PTPN1: variants seen among roughly 807,000 people sequenced by gnomAD.
PTPN1 encodes the protein protein tyrosine phosphatase non-receptor type 1, also known as tyrosine-protein phosphatase non-receptor type 1.
In PTPN1, 12 loss-of-function variants were observed where a neutral mutation model predicts 59.9. The observed-to-expected ratio is 0.20, with a 90% CI of 0.13 to 0.32. The LOEUF is 0.32. Ranked by LOEUF, PTPN1 falls within the 10% of genes least tolerant of loss-of-function variation. The probability of loss-of-function intolerance (pLI) is 1.00; values close to 1 mark genes in which losing one functional copy is unlikely to be tolerated. For synonymous variants in PTPN1, 178 were observed against 203.6 expected, an observed-to-expected ratio of 0.87 and a Z score of 1.07; for missense variants, 356 against 549.2, an observed-to-expected ratio of 0.65 and a Z score of 3.52.
chr20:50,528,478 C>T (rs2082586797), intron 1 of PTPN1, among the ~76,000 whole-genome samples: 1 of 152,056 alleles, frequency 6.6e-6, no homozygotes, highest in African/African-American at 2.4e-5. Context: ...CTTTGGTAGG[C>T]TGAGGTGGGC....
Position 50,538,747 on chromosome 20 carries a change from T to C in PTPN1, c.64-22616T>C, listed in dbSNP as rs374484560. Among the ~76,000 whole-genome samples the C allele has an allele frequency of 7.9e-5, 12 of 152,216 alleles. No homozygotes were observed. The East Asian group carries it at 9.6e-4, about 12-fold the overall frequency. On this transcript the variant is annotated intron_variant, in intron 1 of 9. Transcript: ENST00000371621. Reference sequence around the variant, plus strand: ...TATTATATGCCCTTCATCTTCTCAGTGTTTGGCTGTTGTTGTGATTCCCTT... The same window carrying C: ...TATTATATGCCCTTCATCTTCTCAGCGTTTGGCTGTTGTTGTGATTCCCTT...
At chr20:50,512,653 A>G (rs532127922) in intron 1 of PTPN1, among the ~76,000 whole-genome samples, 1 of 152,298 alleles carries the variant, frequency 6.6e-6, no homozygotes, top group East Asian at 1.9e-4. Context: ...TCTCACCTCC[A>G]CTGTATGGAT....
At chr20:50,580,664 G>A (rs1269226845) in intron 8 of PTPN1, among the ~76,000 whole-genome samples, 3 of 152,190 alleles carry the variant, frequency 2.0e-5, no homozygotes, top group Non-Finnish European at 4.4e-5. Flanking sequence ...GAAGTTTTAA[G>A]ACGTGTGCAT....
intron 1 of PTPN1, among the ~76,000 whole-genome samples, chr20:50,557,472 C>A (rs772618325): frequency 2.0e-5 from 3 of 152,098 alleles, no homozygotes; most frequent in African/African-American, 4.8e-5. Context: ...CTTAAACAGC[C>A]ATCCCCTTTC....
chr20:50,535,335 T>C (rs547219312), intron 1 of PTPN1, among the ~76,000 whole-genome samples: 2 of 152,190 alleles, frequency 1.3e-5, no homozygotes, highest in South Asian at 4.1e-4. Flanking sequence ...CTCCACATTC[T>C]GTCTTTACTG....
intron 1 of PTPN1, among the ~76,000 whole-genome samples, chr20:50,524,569 CTTTTTTTTTTTTT>C (rs764474360): frequency 2.2e-5 from 1 of 45,782 alleles, no homozygotes; most frequent in Non-Finnish European, 3.6e-5. Context: ...ATTATGTGGT[CTTTTTTTTTTTTT>C]TTTTTTTTTT....
rs370708014 is a variant in PTPN1 at position 50,510,489 on chromosome 20, T to A, written c.-39T>A. 1.2e-5 allele frequency: 19 copies of A among 1,546,768 alleles called. No individual in the cohort carries two copies. The highest frequency in any genetic ancestry group is 1.6e-5 in the Non-Finnish European group (18 of 1,144,874). Reference sequence around the variant, plus strand: ...CGGCCTAGAGCGGCAGACGGCGCAGTGGGCCGAGAAGGAGGCGCAGCAGCC... The same window carrying A: ...CGGCCTAGAGCGGCAGACGGCGCAGAGGGCCGAGAAGGAGGCGCAGCAGCC... On this transcript the variant is annotated 5_prime_UTR_variant, in exon 1 of 10. Transcript: ENST00000371621.
intron 1 of PTPN1, among the ~76,000 whole-genome samples, chr20:50,554,243 T>C (rs2082715877): frequency 6.6e-6 from 1 of 152,184 alleles, no homozygotes; most frequent in Admixed American, 6.5e-5. Context: ...ATAAATTAGC[T>C]GGATGTGGAG....
At chr20:50,542,658 A>G (rs1317185803) in intron 1 of PTPN1, among the ~76,000 whole-genome samples, 3 of 152,188 alleles carry the variant, frequency 2.0e-5, no homozygotes, top group Admixed American at 6.5e-5. Flanking sequence ...CAATAGGTAT[A>G]TGGATTTTGG....
chr20:50,526,764 C>T (rs1407026713), intron 1 of PTPN1, among the ~76,000 whole-genome samples: 1 of 152,126 alleles, frequency 6.6e-6, no homozygotes, highest in Non-Finnish European at 1.5e-5. Flanking sequence ...CCTTATGCAT[C>T]TGAGACTGTG....
chr20:50,568,401 G>T lies in PTPN1; in HGVS notation c.277G>T (p.Gly93Cys), dbSNP rs770497491. 1.2e-6 allele frequency: 2 copies of T among 1,614,046 alleles called. No individual in the cohort carries two copies. Among genetic ancestry groups the T allele is most frequent in the South Asian group, 1.1e-5 (1 of 91,082 alleles). Residue 93 changes from glycine to cysteine, a missense_variant, in exon 4 of 10, where the codon GGT (glycine) becomes TGT (cysteine). Coordinates refer to ENST00000371621, the MANE Select transcript of PTPN1 (RefSeq NM_002827.4). The surrounding 1 kb of genome is among the most constrained non-coding windows in gnomAD (Gnocchi z 5.6). ...GCAGGGCCCTTTGCCTAACACATGC[G>T]GTCACTTTTGGGAGATGGTGTGGGA... ...LTQGPLPNTCGHFWEMVWEQK... is the reference protein window; with the variant it reads ...LTQGPLPNTCCHFWEMVWEQK...
intron 2 of PTPN1, 49 bp from the exon 3 acceptor site, chr20:50,564,920 A>G (rs1276489849): frequency 1.2e-6 from 2 of 1,610,362 alleles, no homozygotes; most frequent in Admixed American, 1.7e-5. Context: ...CTGTATGTAC[A>G]CATTCAGCTT....
chr20:50,571,930 C>T lies in PTPN1; in HGVS notation c.355-2587C>T, dbSNP rs1253250376. 3 of 152,232 alleles carry T rather than the reference C, an allele frequency of 2.0e-5. No individual in the cohort carries two copies. In the East Asian group the frequency reaches 5.8e-4, roughly 29 times the overall value. The allele number at this position is 152,232 out of a possible 1,614,324, so 9.4% of individuals were successfully genotyped here. On this transcript the variant is annotated intron_variant, in intron 4 of 9. Coordinates refer to ENST00000371621, the MANE Select transcript of PTPN1 (RefSeq NM_002827.4). The stretch of plus-strand genomic sequence containing the variant: ...TTCAGGTGCTTTCATGCACAAGACA[C>T]TGCATTTTGTATCACAGGGTCCATA...
At chr20:50,548,660 C>G (rs912557145) in intron 1 of PTPN1, among the ~76,000 whole-genome samples, 3 of 152,090 alleles carry the variant, frequency 2.0e-5, no homozygotes, top group African/African-American at 4.8e-5. Flanking sequence ...CCCTTCTTGG[C>G]CTCCTGAAGT....
chr20:50,552,413 C>T (rs993040164), intron 1 of PTPN1, among the ~76,000 whole-genome samples: 1 of 152,194 alleles, frequency 6.6e-6, no homozygotes. Flanking sequence ...ACTGTGGTTT[C>T]AGCCACAGCA....
intron 2 of PTPN1, among the ~76,000 whole-genome samples, chr20:50,562,795 C>T (rs1003604012): frequency 6.6e-6 from 1 of 152,156 alleles, no homozygotes; most frequent in Non-Finnish European, 1.5e-5. Context: ...ACCTCCAGAC[C>T]GCTGATCAAC....
intron 1 of PTPN1, among the ~76,000 whole-genome samples, chr20:50,538,593 T>A (rs1022128839): frequency 1.9e-4 from 29 of 152,230 alleles, no homozygotes; most frequent in Non-Finnish European, 1.5e-5. Flanking sequence ...AGGTTATTGT[T>A]ATATCTTTGT....
At chr20:50,547,891 A>G (rs1261425623) in intron 1 of PTPN1, among the ~76,000 whole-genome samples, 2 of 152,212 alleles carry the variant, frequency 1.3e-5, no homozygotes, top group African/African-American at 4.8e-5. Flanking sequence ...CATCAATGAC[A>G]ATGGTCCCTT....
At chr20:50,560,811 A>G (rs186328824) in intron 1 of PTPN1, among the ~76,000 whole-genome samples, 19 of 152,268 alleles carry the variant, frequency 1.2e-4, no homozygotes, top group African/African-American at 4.6e-4. Context: ...GTGGAATTTT[A>G]GGTGTGATCA....
Sources: allele counts gnomAD v4.1 joint callset (sites outside exome capture counted in the v4.1 genomes callset), GRCh38; gene constraint gnomAD v4.1.1; non-coding constraint Gnocchi (gnomAD v3.1); transcripts MANE v1.5; gene names NCBI Gene and HGNC (gene_info 2026-07-23, HGNC 2026-07-21).